The following ITGB1BP2 variants were observed in gnomAD, a reference collection of about 807,000 sequenced individuals.
The protein encoded by ITGB1BP2 is integrin subunit beta 1 binding protein 2, also known as integrin beta-1-binding protein 2.
In ITGB1BP2, 27 loss-of-function variants were observed where a neutral mutation model predicts 32.2. The ratio of observed to expected loss-of-function variants is 0.84; its 90% confidence interval spans 0.62 to 1.16. The LOEUF (loss-of-function observed/expected upper bound fraction) is 1.16. ITGB1BP2 is among the 50% of genes most tolerant of loss of function. ITGB1BP2 has a pLI of 0.00. For synonymous variants in ITGB1BP2, 105 were observed against 94.7 expected, an observed-to-expected ratio of 1.11 and a Z score of -0.63; for missense variants, 250 against 267.3, an observed-to-expected ratio of 0.94 and a Z score of 0.45.
chrX:71,304,549 TC>T lies in ITGB1BP2; in HGVS notation c.763del (p.His255ThrfsTer14). On this transcript the variant is annotated frameshift_variant, in exon 10 of 11. Transcript: ENST00000373829. LOFTEE classifies it high-confidence loss of function. Reference protein sequence around the residue: ...WVKASQTELHVHIVFDGNRVF... With the variant: ...WVKASQTELHXHIVFDGNRVF... ...GTAATTCTTTTCTCTCAGCTTCATG[TC>T]CACATTGTCTTTGATGGTAACCGTG... The T allele has an allele frequency of 8.3e-7, 1 of 1,208,442 alleles. No homozygotes were observed. The highest frequency in any genetic ancestry group is 2.4e-4 in the Middle Eastern group (1 of 4,241).
chrX:71,304,033 T>G lies in ITGB1BP2; in HGVS notation c.639+122T>G, dbSNP rs751831817. ...CCCTTTAGTATAGACCAAATAAGATTCTGCTCCTTATCCCTCAACAGCCCA... is the reference window on the plus strand; with the variant it reads ...CCCTTTAGTATAGACCAAATAAGATGCTGCTCCTTATCCCTCAACAGCCCA... On this transcript the variant is annotated intron_variant, in intron 8 of 10. Transcript: ENST00000373829. 1.4e-5 allele frequency: 10 copies of G among 719,593 alleles called. No individual in the cohort carries two copies. In the East Asian group the frequency reaches 3.1e-4, roughly 23 times the overall value. The allele number at this position is 719,593 out of a possible 1,213,427, so 59.3% of individuals were successfully genotyped here.
chrX:71,301,751 T>C lies in ITGB1BP2; in HGVS notation c.-56T>C, dbSNP rs2031611550. ...CCTCCAGACTAAGAGGTGTTCCCCA[T>C]TCGGCAGCCAGACTCCTTGAAATAC... On this transcript the variant is annotated 5_prime_UTR_variant, in exon 1 of 11. Transcript: ENST00000373829. The C allele has an allele frequency of 9.3e-7, 1 of 1,074,902 alleles. No individual in the cohort carries two copies. The highest frequency in any genetic ancestry group is 1.9e-5 in the South Asian group (1 of 53,454). 88.6% of individuals were successfully genotyped at this position (1,074,902 alleles called of 1,213,427 possible).
chrX:71,304,021 A>T, intron 8 of ITGB1BP2, 110 bp downstream of exon 8: 1 of 745,527 alleles, frequency 1.3e-6, no homozygotes, highest in Non-Finnish European at 2.0e-6. Context: ...TTTAGTATAG[A>T]CCAAATAAGA....
Position 71,304,556 on chromosome X carries a change from T to C in ITGB1BP2, c.768T>C (p.Ile256=). 1 of 1,208,664 alleles carries C rather than the reference T, an allele frequency of 8.3e-7. No individual in the cohort carries two copies. The highest frequency in any genetic ancestry group is 1.1e-6 in the Non-Finnish European group (1 of 893,827). The change falls in exon 10 of 11, where the codon ATT becomes ATC. Residue 256 remains isoleucine (I), a synonymous_variant. Transcript: ENST00000373829. ...TTTTCTCTCAGCTTCATGTCCACAT[T>C]GTCTTTGATGGTAACCGTGTGTTCC... is the stretch of plus-strand genomic sequence containing the variant. ...KASQTELHVH[I]VFDGNRVFQA...
At chrX:71,302,798 C>T (rs1340092383) in intron 4 of ITGB1BP2, among the ~76,000 whole-genome samples, 1 of 111,596 alleles carries the variant, frequency 9.0e-6, no homozygotes, top group Non-Finnish European at 1.9e-5. Context: ...TAGCCCCTCA[C>T]AAATACATCC....
chrX:71,302,171 C>T lies in ITGB1BP2; in HGVS notation c.99C>T (p.Phe33=), dbSNP rs1417103344. ...SCCHHPGVPI[F]HDALKGWSCC... is the part of the protein sequence containing the mutation. ...GCCATCACCCTGGGGTCCCAATCTT[C>T]CATGATGCACTTAAGGTGAGGAGTA... The change falls in exon 2 of 11, where the codon TTC becomes TTT. Residue 33 remains phenylalanine (F), a synonymous_variant. Transcript: ENST00000373829. 3.3e-6 allele frequency: 4 copies of T among 1,208,435 alleles called. No homozygotes were observed. Among genetic ancestry groups the T allele is most frequent in the African/African-American group, 1.8e-5 (1 of 56,694 alleles).
rs2031678775 is a variant in ITGB1BP2, at chrX:71,305,225, T to G, written c.*33T>G. 2 of 1,085,421 alleles carry G rather than the reference T, an allele frequency of 1.8e-6. No homozygotes were observed. The highest frequency in any genetic ancestry group is 3.6e-5 in the African/African-American group (2 of 55,096). The allele number at this position is 1,085,421 out of a possible 1,213,427, so 89.5% of individuals were successfully genotyped here. ...AGACAGTTGATGTCTAGATAGGACCTCAATGATTCCCTTAGAATCTTAGAT... is the reference window on the plus strand; with the variant it reads ...AGACAGTTGATGTCTAGATAGGACCGCAATGATTCCCTTAGAATCTTAGAT... On this transcript the variant is annotated 3_prime_UTR_variant, in exon 11 of 11. Coordinates refer to ENST00000373829, the MANE Select transcript of ITGB1BP2 (RefSeq NM_012278.4).
chrX:71,305,130 G>A lies in ITGB1BP2; in HGVS notation c.982G>A (p.Asp328Asn), dbSNP rs143402604. Residue 328 changes from aspartate (D) to asparagine (N), a missense_variant, in exon 11 of 11, where the codon GAT (aspartate) becomes AAT (asparagine). Physicochemically the swap from Asp to Asn is conservative, Grantham distance 23. Transcript: ENST00000373829. ...VLEMDEEESD[D>N]SDDDLSWTEE... ...AGAGATGGATGAGGAAGAATCTGAC[G>A]ATTCAGATGATGATCTGAGCTGGAC... 15 of 1,208,025 alleles carry A rather than the reference G, an allele frequency of 1.2e-5. No individual in the cohort carries two copies. The highest frequency in any genetic ancestry group is 2.3e-4 in the Middle Eastern group (1 of 4,309).
intron 4 of ITGB1BP2, 28 bp from the exon 5 acceptor site, chrX:71,303,234 G>C: frequency 8.6e-7 from 1 of 1,163,519 alleles, no homozygotes; most frequent in Non-Finnish European, 1.2e-6. Context: ...TAATGGGTCA[G>C]AACTAAATCA....
chrX:71,303,426 A>T (rs73217059), intron 5 of ITGB1BP2, 35 bp from the exon 6 acceptor site: 109,313 of 1,207,026 alleles, frequency 0.091, 4,042 homozygotes, highest in Non-Finnish European at 0.11. Flanking sequence ...GAGTGGGGGG[A>T]TGGATAAGTT....
rs749756910 is a variant in ITGB1BP2, at chrX:71,301,800, C to T, written c.-7C>T. The T allele has an allele frequency of 1.6e-5, 19 of 1,204,591 alleles. No individual in the cohort carries two copies. The highest frequency in any genetic ancestry group is 8.8e-5 in the South Asian group (5 of 56,597). ...ACCCTTTCAGTAATCATTCAACCAACGCTTCCATGTCTCTACTCTGTCGTA... is the reference window on the plus strand; with the variant it reads ...ACCCTTTCAGTAATCATTCAACCAATGCTTCCATGTCTCTACTCTGTCGTA... On this transcript the variant is annotated 5_prime_UTR_variant, in exon 1 of 11. In the 5' UTR this introduces an upstream ATG that the reference lacks. Transcript: ENST00000373829.
Position 71,303,642 on chromosome X carries a change from G to C in ITGB1BP2, c.484G>C (p.Glu162Gln), listed in dbSNP as rs889365410. ...TCCTTCTTAGGTTTACCAAGGCCCT[G>C]AGAGTGATGCTACTCCATGTACCTA... ...PGCDAVYQGP[E>Q]SDATPCTYHP... is the part of the protein sequence containing the mutation. Residue 162 changes from glutamate (E) to glutamine (Q), a missense_variant, in exon 7 of 11, where the codon GAG (glutamate) becomes CAG (glutamine). By Grantham distance (29) the Glu-to-Gln change is conservative. Transcript: ENST00000373829. 3.5e-5 allele frequency: 42 copies of C among 1,210,992 alleles called. No individual in the cohort carries two copies. The highest frequency in any genetic ancestry group is 4.7e-5 in the Non-Finnish European group (42 of 895,024).
rs2031611731 is a variant in ITGB1BP2 at position 71,301,754 on chromosome X, G to A, written c.-53G>A. On this transcript the variant is annotated 5_prime_UTR_variant, in exon 1 of 11. Coordinates refer to ENST00000373829, the MANE Select transcript of ITGB1BP2 (RefSeq NM_012278.4). ...CCAGACTAAGAGGTGTTCCCCATTC[G>A]GCAGCCAGACTCCTTGAAATACCCT... The A allele has an allele frequency of 2.7e-6, 3 of 1,091,428 alleles. No individual in the cohort carries two copies. The highest frequency in any genetic ancestry group is 2.4e-4 in the Middle Eastern group (1 of 4,108). 89.9% of individuals were successfully genotyped at this position (1,091,428 alleles called of 1,213,427 possible).
At position 71,305,156 on chromosome X, in the gene ITGB1BP2, A is replaced by G; in HGVS notation, c.1008A>G (p.Thr336=). 1 of 1,208,282 alleles carries G rather than the reference A, an allele frequency of 8.3e-7. No homozygotes were observed. Among genetic ancestry groups the G allele is most frequent in the Non-Finnish European group, 1.1e-6 (1 of 893,569 alleles). Residue 336 remains threonine (T), a synonymous_variant, in exon 11 of 11, where the codon ACA becomes ACG. Transcript: ENST00000373829. ...ATTCAGATGATGATCTGAGCTGGAC[A>G]GAGGAGGAGGAAGAGGAGGAAGCAA... The part of the protein sequence containing the change: ...SDDSDDDLSW[T]EEEEEEEAMG...
chrX:71,305,141 T>C lies in ITGB1BP2; in HGVS notation c.993T>C (p.Asp331=). Residue 331 remains aspartate, a synonymous_variant, in exon 11 of 11, where the codon GAT becomes GAC. Transcript: ENST00000373829. ...MDEEESDDSD[D]DLSWTEEEEE... ...AGGAAGAATCTGACGATTCAGATGA[T>C]GATCTGAGCTGGACAGAGGAGGAGG... The C allele has an allele frequency of 1.7e-6, 2 of 1,209,391 alleles. No homozygotes were observed. Among genetic ancestry groups the C allele is most frequent in the Non-Finnish European group, 2.2e-6 (2 of 894,279 alleles).
chrX:71,303,070 G>A (rs1255475557), intron 4 of ITGB1BP2, among the ~76,000 whole-genome samples, 192 bp from the exon 5 acceptor site: 4 of 111,514 alleles, frequency 3.6e-5, no homozygotes, highest in African/African-American at 1.3e-4. Flanking sequence ...GAGAAGTGCT[G>A]GGGATTTCTC....
In ITGB1BP2 at chrX:71,303,258, C is replaced by T; in HGVS notation, c.318-4C>T. The T allele has an allele frequency of 3.3e-6, 4 of 1,208,169 alleles. No individual in the cohort carries two copies. ...AGAACTAAATCACCACCCTTAACCC[C>T]TAGGTCAGAGTTGCCTCTGAAGCTG... On this transcript the variant is annotated splice_polypyrimidine_tract_variant and splice_region_variant and intron_variant, in intron 4 of 10. Transcript: ENST00000373829.
At chrX:71,304,416 A>G (rs754113591) in intron 9 of ITGB1BP2, 116 bp downstream of exon 9, 1 of 866,014 alleles carries the variant, frequency 1.2e-6, no homozygotes, top group African/African-American at 2.0e-5. Context: ...CTTAGAGGAA[A>G]GGAGAGTTAT....
Position 71,303,712 on chromosome X carries a change from TG to T in ITGB1BP2, c.539+18del. On this transcript the variant is annotated intron_variant, in intron 7 of 10. Coordinates refer to ENST00000373829, the MANE Select transcript of ITGB1BP2 (RefSeq NM_012278.4). ...TTCCATGAGGGGTGAGGGAGGGGAC[TG>T]GGTGGGCTATGAGGCTATGAGACAG... 8.3e-7 allele frequency: 1 copy of T among 1,203,474 alleles called. No homozygotes were observed. The highest frequency in any genetic ancestry group is 2.2e-5 in the Admixed American group (1 of 45,926).
Sources: allele counts gnomAD v4.1 joint callset (sites outside exome capture counted in the v4.1 genomes callset), GRCh38; gene constraint gnomAD v4.1.1; transcripts MANE v1.5; gene names NCBI Gene and HGNC (gene_info 2026-07-23, HGNC 2026-07-21).